The following ARHGEF16 variants were observed in gnomAD, a reference collection of about 807,000 sequenced individuals.
ARHGEF16 encodes Rho guanine exchange factor (GEF) 16.
Under a neutral mutation model 74.1 loss-of-function variants are expected in ARHGEF16, and 59 were observed. The ratio of observed to expected loss-of-function variants is 0.80; its 90% CI spans 0.65 to 0.99. ARHGEF16 has a LOEUF of 0.99. Among genes scored for constraint, ARHGEF16 ranks in the 50% least tolerant of loss-of-function variants. The pLI, the probability that ARHGEF16 is intolerant of heterozygous loss-of-function variation, is 0.00. For missense variants in ARHGEF16, 948 were observed against 986.6 expected (o/e 0.96, Z 0.52); for synonymous variants, 415 against 412.6 (o/e 1.01, Z -0.07).
chr1:3,467,884 G>A (rs1639592176), intron 4 of ARHGEF16, among the ~76,000 whole-genome samples: 1 of 152,156 alleles, frequency 6.6e-6, no homozygotes, highest in Non-Finnish European at 1.5e-5. Context: ...CCAAGGGAGG[G>A]GACCATGTGG....
At chr1:3,464,543 C>A (rs1211773782) in intron 2 of ARHGEF16, among the ~76,000 whole-genome samples, 3 of 152,170 alleles carry the variant, frequency 2.0e-5, no homozygotes, top group Non-Finnish European at 4.4e-5. Context: ...GCCCTGGCAG[C>A]CCGAGCACCC....
intron 2 of ARHGEF16, among the ~76,000 whole-genome samples, chr1:3,465,015 A>G (rs904650452): frequency 2.0e-5 from 3 of 152,128 alleles, no homozygotes; most frequent in Admixed American, 6.5e-5. Flanking sequence ...TCTTGTGCCT[A>G]CCTGAGACGC....
chr1:3,472,784 C>A (rs1260963514), intron 6 of ARHGEF16: 4 of 397,860 alleles, frequency 1.0e-5, no homozygotes, highest in African/African-American at 6.2e-5. Flanking sequence ...GGGGACAGTC[C>A]CTGGGGCTGC....
intron 14 of ARHGEF16, 92 bp downstream of exon 14, chr1:3,480,005 C>G (rs1640012415): frequency 1.6e-6 from 2 of 1,286,846 alleles, no homozygotes; most frequent in Non-Finnish European, 2.2e-6. Flanking sequence ...GCATGCCGGG[C>G]TGCAGGCTGA....
intron 1 of ARHGEF16, among the ~76,000 whole-genome samples, chr1:3,457,298 G>A (rs1639285865): frequency 6.6e-6 from 1 of 152,262 alleles, no homozygotes; most frequent in Non-Finnish European, 1.5e-5. Flanking sequence ...GTGCTAGAGA[G>A]GCCGCGCCCC....
At chr1:3,468,963 G>A in intron 5 of ARHGEF16, 27 bp downstream of exon 5, 1 of 1,549,040 alleles carries the variant, frequency 6.5e-7, no homozygotes, top group Non-Finnish European at 8.7e-7. Flanking sequence ...CGGGAGGGCT[G>A]TCCCCCATGG....
chr1:3,469,737 CGG>C (rs1639652835), intron 6 of ARHGEF16, 144 bp downstream of exon 6: 1 of 1,195,712 alleles, frequency 8.4e-7, no homozygotes, highest in Non-Finnish European at 1.1e-6. Context: ...CTGGCTCCCG[CGG>C]AGTGTGATGA....
chr1:3,460,560 G>T (rs74050509), intron 1 of ARHGEF16, among the ~76,000 whole-genome samples: 3 of 152,204 alleles, frequency 2.0e-5, no homozygotes, highest in African/African-American at 7.2e-5. Context: ...TAAAAGGACC[G>T]CAGGGCCGTA....
Position 3,462,993 on chromosome 1 carries a change from G to T in ARHGEF16, c.-19-73G>T, listed in dbSNP as rs1327725418. 10 of 1,099,580 alleles carry T rather than the reference G, an allele frequency of 9.1e-6. No homozygotes were observed. In the Admixed American group the frequency reaches 2.9e-4, roughly 32 times the overall value. 68.1% of individuals were successfully genotyped at this position (1,099,580 alleles called of 1,614,324 possible). ...GAGCCCCGGCCAGACATATGCAAAG[G>T]GGTAGGGGGGTGGACACCCGCGGGG... On this transcript the variant is annotated intron_variant, in intron 1 of 14. Transcript: ENST00000378378.
Position 3,473,390 on chromosome 1 carries a change from C to G in ARHGEF16, c.1176-3C>G. The G allele has an allele frequency of 6.2e-7, 1 of 1,602,736 alleles. No individual in the cohort carries two copies. Among genetic ancestry groups the G allele is most frequent in the Non-Finnish European group, 8.5e-7 (1 of 1,174,024 alleles). Reference sequence around the variant, plus strand: ...CTGGAAGGACAGCCTTGTCCTCTTGCAGAAGCAGCAACGCCGCCTTCCGAG... The same window carrying G: ...CTGGAAGGACAGCCTTGTCCTCTTGGAGAAGCAGCAACGCCGCCTTCCGAG... On this transcript the variant is annotated splice_region_variant and splice_polypyrimidine_tract_variant and intron_variant, in intron 7 of 14. Coordinates refer to ENST00000378378, the MANE Select transcript of ARHGEF16 (RefSeq NM_014448.4).
At chr1:3,457,466 G>A (rs895149957) in intron 1 of ARHGEF16, among the ~76,000 whole-genome samples, 12 of 152,380 alleles carry the variant, frequency 7.9e-5, no homozygotes, top group African/African-American at 2.9e-4. Context: ...GACAGCAGCT[G>A]TGCCCAGAGC....
chr1:3,466,985 G>T lies in ARHGEF16; in HGVS notation c.635-183G>T, dbSNP rs376496458. On this transcript the variant is annotated intron_variant, in intron 3 of 14. Coordinates refer to ENST00000378378, the MANE Select transcript of ARHGEF16 (RefSeq NM_014448.4). ...GCCGGGACCAGCCCATTTCAGGTGG[G>T]ACTTGTGGCATAGGAGAGGTCTTGG... The T allele has an allele frequency of 6.8e-4, 403 of 594,238 alleles. 5 individuals carry two copies. In the South Asian group the frequency reaches 0.01, roughly 15 times the overall value. 36.8% of individuals were successfully genotyped at this position (594,238 alleles called of 1,614,324 possible).
chr1:3,461,871 C>G (rs1252010598), intron 1 of ARHGEF16, among the ~76,000 whole-genome samples: 1 of 152,198 alleles, frequency 6.6e-6, no homozygotes, highest in East Asian at 1.9e-4. Context: ...AGAGCTGGCT[C>G]TCCACATTCC....
At chr1:3,479,728 G>C (rs929320064) in intron 13 of ARHGEF16, 84 bp from the exon 14 acceptor site, 4 of 1,503,148 alleles carry the variant, frequency 2.7e-6, no homozygotes, top group Non-Finnish European at 3.7e-6. Context: ...CCGGCCCCGG[G>C]GGATGTGTCT....
intron 4 of ARHGEF16, 76 bp downstream of exon 4, chr1:3,467,413 A>G (rs1639578935): frequency 6.9e-7 from 1 of 1,448,834 alleles, no homozygotes; most frequent in African/African-American, 1.4e-5. Context: ...TCCTTCCCCA[A>G]GCCCAGGCGG....
chr1:3,460,724 G>A (rs12568681), intron 1 of ARHGEF16, among the ~76,000 whole-genome samples: 8,239 of 152,146 alleles, frequency 0.054, 317 homozygotes, highest in East Asian at 0.13. Context: ...CGTCACTCTG[G>A]TCAGTGTCAT....
In ARHGEF16 at chr1:3,471,632, C is replaced by A. The variant is rs182434428; in HGVS notation, c.1023-1446C>A. The A allele has an allele frequency of 1.4e-3, 1,677 of 1,185,966 alleles. 20 individuals carry two copies. In the African/African-American group the frequency reaches 0.026, roughly 18 times the overall value. 73.5% of individuals were successfully genotyped at this position (1,185,966 alleles called of 1,614,324 possible). ...TGTGTTCTCTGAGCTCTGTGTCCTC[C>A]GGTCCCCTCTGCCTCAGGCAGCTGC... is the stretch of plus-strand genomic sequence containing the variant. On this transcript the variant is annotated intron_variant, in intron 6 of 14. Transcript: ENST00000378378.
At chr1:3,469,908 G>A (rs1226657192) in intron 6 of ARHGEF16, among the ~76,000 whole-genome samples, 1 of 152,226 alleles carries the variant, frequency 6.6e-6, no homozygotes, top group Non-Finnish European at 1.5e-5. Flanking sequence ...CAGGCACAGA[G>A]GGCTGCATGA....
chr1:3,472,780 A>C, intron 6 of ARHGEF16: 1 of 345,854 alleles, frequency 2.9e-6, no homozygotes. Flanking sequence ...CTTTGGGGAC[A>C]GTCCCTGGGG....
Sources: gnomAD v4.1 joint callset for allele counts (sites outside exome capture counted in the v4.1 genomes callset) on GRCh38, gnomAD v4.1.1 for gene constraint, MANE v1.5 for transcripts, NCBI Gene and HGNC (gene_info 2026-07-23, HGNC 2026-07-21) for gene names.